RYR2: variants seen among roughly 807,000 people sequenced by gnomAD.
RYR2 encodes cardiac muscle ryanodine receptor-calcium release channel.
Under a neutral mutation model 601.1 loss-of-function variants are expected in RYR2, and 227 were observed. That is an observed-to-expected ratio of 0.38 (90% CI 0.34 to 0.42). The LOEUF is 0.42. Ranked by LOEUF, RYR2 falls within the 10% of genes least tolerant of loss-of-function variation. RYR2 has a pLI of 1.00. For missense variants in RYR2, 4,646 were observed against 6,156.5 expected (o/e 0.75, Z 8.21); for synonymous variants, 2,223 against 2,175.1 (o/e 1.02, Z -0.61).
chr1:237,372,555 G>A (rs1700723634), intron 6 of RYR2, among the ~76,000 whole-genome samples: 1 of 152,208 alleles, frequency 6.6e-6, no homozygotes. Flanking sequence ...AAAGTGGTTG[G>A]ATGTAAGAAA....
chr1:237,701,731 T>C (rs577860747), intron 65 of RYR2, among the ~76,000 whole-genome samples: 2 of 151,860 alleles, frequency 1.3e-5, no homozygotes, highest in Non-Finnish European at 2.9e-5. Flanking sequence ...TCTATGTCCA[T>C]GTGTACACAT....
At chr1:237,536,469 C>T (rs1423435197) in intron 25 of RYR2, among the ~76,000 whole-genome samples, 3 of 151,838 alleles carry the variant, frequency 2.0e-5, no homozygotes, top group African/African-American at 7.2e-5. Flanking sequence ...AACCCCAGCA[C>T]TTTGGGAGGC....
At chr1:237,687,027 A>G (rs1411114656) in intron 62 of RYR2, among the ~76,000 whole-genome samples, 1 of 152,224 alleles carries the variant, frequency 6.6e-6, no homozygotes, top group Non-Finnish European at 1.5e-5. Context: ...CGTCTGTTGT[A>G]AAATAAAATA....
intron 3 of RYR2, among the ~76,000 whole-genome samples, chr1:237,332,460 A>C (rs939968644): frequency 6.6e-6 from 1 of 152,154 alleles, no homozygotes; most frequent in Non-Finnish European, 1.5e-5. Context: ...AAAAATTTCT[A>C]TTCTTTCATG....
At chr1:237,324,411 A>G (rs892722720) in intron 2 of RYR2, among the ~76,000 whole-genome samples, 2 of 152,138 alleles carry the variant, frequency 1.3e-5, no homozygotes, top group Admixed American at 1.3e-4. Context: ...TGAAGGCCAC[A>G]CAGCAGATGG....
At chr1:237,687,238 G>A (rs1273919052) in intron 62 of RYR2, among the ~76,000 whole-genome samples, 1 of 151,642 alleles carries the variant, frequency 6.6e-6, no homozygotes, top group African/African-American at 2.4e-5. Flanking sequence ...TTAAAGAGAT[G>A]CACTCAAAGA....
chr1:237,052,850 CATTT>C (rs1429142282), intron 1 of RYR2, among the ~76,000 whole-genome samples: 3 of 151,970 alleles, frequency 2.0e-5, no homozygotes, highest in Non-Finnish European at 4.4e-5. Flanking sequence ...TGTTTTATTT[CATTT>C]ATTTATTTAT....
chr1:237,423,666 C>T (rs563474891), intron 12 of RYR2, among the ~76,000 whole-genome samples: 1 of 152,002 alleles, frequency 6.6e-6, no homozygotes, highest in Non-Finnish European at 1.5e-5. Context: ...TGACAGTATA[C>T]AGTGACCACA....
At chr1:237,448,752 ATTCTT>A (rs1002725735) in intron 14 of RYR2, among the ~76,000 whole-genome samples, 25 of 152,144 alleles carry the variant, frequency 1.6e-4, no homozygotes, top group African/African-American at 4.8e-4. Flanking sequence ...CTCTGGTAAT[ATTCTT>A]TTCTATGACA....
At chr1:237,124,797 T>C (rs1206337439) in intron 1 of RYR2, among the ~76,000 whole-genome samples, 1 of 152,162 alleles carries the variant, frequency 6.6e-6, no homozygotes, top group African/African-American at 2.4e-5. Flanking sequence ...CGGGGGGCAT[T>C]GCTGTGCCTG....
At chr1:237,753,387 G>A (rs774520307) in intron 80 of RYR2, among the ~76,000 whole-genome samples, 1 of 152,066 alleles carries the variant, frequency 6.6e-6, no homozygotes, top group Non-Finnish European at 1.5e-5. Context: ...TTAAAAGCTT[G>A]ACACACTCTT....
At chr1:237,412,323 C>T (rs914691871) in intron 10 of RYR2, among the ~76,000 whole-genome samples, 7 of 152,218 alleles carry the variant, frequency 4.6e-5, no homozygotes, top group East Asian at 1.9e-4. Context: ...CAGTTTTATG[C>T]GATCAGCCTG....
chr1:237,326,639 A>C (rs576985111), intron 2 of RYR2, among the ~76,000 whole-genome samples: 31 of 152,338 alleles, frequency 2.0e-4, no homozygotes, highest in Non-Finnish European at 4.3e-4. Context: ...ATGATTTGGG[A>C]GCACACTCAT....
At chr1:237,665,526 G>C (rs1043684677) in intron 56 of RYR2, among the ~76,000 whole-genome samples, 3 of 152,136 alleles carry the variant, frequency 2.0e-5, no homozygotes, top group Admixed American at 1.3e-4. Flanking sequence ...CTGCCCTGCG[G>C]CTGGATAATG....
intron 61 of RYR2, among the ~76,000 whole-genome samples, chr1:237,680,128 T>A (rs1685739907): frequency 6.6e-6 from 1 of 152,198 alleles, no homozygotes; most frequent in Non-Finnish European, 1.5e-5. Flanking sequence ...TAGTAGAGAC[T>A]CAACATATGG....
At chr1:237,140,843 A>G (rs1571987534) in intron 1 of RYR2, among the ~76,000 whole-genome samples, 1 of 152,096 alleles carries the variant, frequency 6.6e-6, no homozygotes, top group Non-Finnish European at 1.5e-5. Flanking sequence ...GCCTCACCTT[A>G]CCCAGCCTCT....
chr1:237,646,131 C>T (rs937079257), intron 48 of RYR2, among the ~76,000 whole-genome samples: 1 of 152,074 alleles, frequency 6.6e-6, no homozygotes, highest in African/African-American at 2.4e-5. Context: ...CACATCTCGG[C>T]CTCCCAAAGT....
At chr1:237,209,182 A>G (rs1310865756) in intron 1 of RYR2, among the ~76,000 whole-genome samples, 1 of 151,038 alleles carries the variant, frequency 6.6e-6, no homozygotes, top group African/African-American at 2.4e-5. Context: ...TGATTCAGCC[A>G]TATGAAAAAT....
intron 33 of RYR2, 72 bp from the exon 34 acceptor site, chr1:237,595,426 G>A (rs942840408): frequency 4.5e-6 from 7 of 1,558,460 alleles, no homozygotes; most frequent in Non-Finnish European, 6.1e-6. Flanking sequence ...AATTTAGTTA[G>A]TTTGCAAGAT....
Sources: gnomAD v4.1 joint callset for allele counts (sites outside exome capture counted in the v4.1 genomes callset) on GRCh38, gnomAD v4.1.1 for gene constraint, MANE v1.5 for transcripts, NCBI Gene and HGNC (gene_info 2026-07-23, HGNC 2026-07-21) for gene names.